EBP: variants seen among roughly 807,000 people sequenced by gnomAD.
EBP encodes EBP cholestenol delta-isomerase, also known as 3-beta-hydroxysteroid-Delta(8),Delta(7)-isomerase.
EBP carries 1 observed loss-of-function variant against 14.1 expected under a neutral mutation model. That is an observed-to-expected ratio of 0.07 (90% CI 0.03 to 0.34). EBP has a LOEUF of 0.34. EBP is among the 10% of genes least tolerant of loss of function. The pLI is 0.99. For missense variants in EBP, 123 were observed against 184.6 expected (o/e 0.67, Z 1.93); for synonymous variants, 72 against 77.7 (o/e 0.93, Z 0.38).
At chrX:48,527,078 G>A (rs2061781474) in intron 3 of EBP, 53 bp downstream of exon 3, 2 of 1,209,385 alleles carry the variant, frequency 1.7e-6, no homozygotes, top group Non-Finnish European at 2.2e-6. Flanking sequence ...GGGGGGTGGT[G>A]AGTTGGGGAG....
intron 4 of EBP, 159 bp downstream of exon 4, chrX:48,527,444 C>T (rs2061782791): frequency 1.2e-6 from 1 of 858,531 alleles, no homozygotes; most frequent in Non-Finnish European, 1.6e-6. Flanking sequence ...AAGGTCATGC[C>T]CTTCTCTGAG....
intron 2 of EBP, 128 bp downstream of exon 2, chrX:48,524,200 A>C (rs2061772576): frequency 1.4e-6 from 1 of 713,519 alleles, no homozygotes; most frequent in Non-Finnish European, 2.0e-6. Flanking sequence ...TCTTTTAAAA[A>C]ATTTATTATA....
chrX:48,523,570 A>G (rs1387099617), intron 1 of EBP, 129 bp from the exon 2 acceptor site: 6 of 451,283 alleles, frequency 1.3e-5, no homozygotes, highest in South Asian at 1.1e-4. Flanking sequence ...AAAAAAAAAA[A>G]CGGAATGTAA....
In EBP at chrX:48,528,641, A is replaced by G; in HGVS notation, c.*184A>G. The G allele has an allele frequency of 2.1e-6, 1 of 468,186 alleles. No individual in the cohort carries two copies. The highest frequency in any genetic ancestry group is 3.1e-5 in the South Asian group (1 of 31,891). 38.6% of individuals were successfully genotyped at this position (468,186 alleles called of 1,213,427 possible). On this transcript the variant is annotated 3_prime_UTR_variant, in exon 5 of 5. Transcript: ENST00000495186. ...AGGCACTGCTGGGAGCCATTAGAAC[A>G]CAGATACAAGAGAAGCCAGGAGGTC...
At chrX:48,523,424 G>A (rs1183363392) in intron 1 of EBP, among the ~76,000 whole-genome samples, 1 of 109,743 alleles carries the variant, frequency 9.1e-6, no homozygotes, top group Non-Finnish European at 1.9e-5. Flanking sequence ...CGTGGTGGCA[G>A]GCACCTGTAG....
Position 48,524,036 on chromosome X carries a change from G to C in EBP, c.265G>C (p.Asp89His). 1 of 1,211,520 alleles carries C rather than the reference G, an allele frequency of 8.3e-7. No homozygotes were observed. Among genetic ancestry groups the C allele is most frequent in the African/African-American group, 1.7e-5 (1 of 57,694 alleles). ...IEGWFVLYYE[D>H]LLGDQAFLSQ... ...GGGCTGGTTCGTTCTCTACTACGAA[G>C]ACCTGCTTGGAGACCAAGCCTTCTT... The change falls in exon 2 of 5, where the codon GAC becomes CAC. Residue 89 changes from aspartate (D) to histidine (H), a missense_variant. Asp to His is a moderately conservative substitution (Grantham distance 81, BLOSUM62 -1). Transcript: ENST00000495186.
Position 48,527,058 on chromosome X carries a change from A to G in EBP, c.338+33A>G. On this transcript the variant is annotated intron_variant, in intron 3 of 4. Transcript: ENST00000495186. ...TTTGCCTCTGTCAATGGAGACTGGC[A>G]TTGGTTTTCGGGGGGTGGTGAGTTG... The G allele has an allele frequency of 2.5e-6, 3 of 1,211,380 alleles. No individual in the cohort carries two copies. In the East Asian group the frequency reaches 8.9e-5, roughly 36 times the overall value.
At chrX:48,525,376 T>G (rs2061775978) in intron 2 of EBP, among the ~76,000 whole-genome samples, 1 of 111,286 alleles carries the variant, frequency 9.0e-6, no homozygotes, top group South Asian at 3.8e-4. Flanking sequence ...AGAAGCCATT[T>G]TCTTTTTTGA....
intron 2 of EBP, 139 bp from the exon 3 acceptor site, chrX:48,526,850 G>C: frequency 1.5e-6 from 1 of 677,100 alleles, no homozygotes; most frequent in East Asian, 3.3e-5. Context: ...AATCCAAACA[G>C]TTACCCCATT....
rs1488696704 is a variant in EBP, at chrX:48,528,466, G to A, written c.*9G>A. The A allele has an allele frequency of 1.7e-6, 2 of 1,156,623 alleles. No individual in the cohort carries two copies. The highest frequency in any genetic ancestry group is 1.8e-5 in the African/African-American group (1 of 55,495). On this transcript the variant is annotated 3_prime_UTR_variant, in exon 5 of 5. Coordinates refer to ENST00000495186, the MANE Select transcript of EBP (RefSeq NM_006579.3). The stretch of plus-strand genomic sequence containing the variant: ...AGAGCAAGAAGAACTGAGGAGTGGT[G>A]GACCAGGCTCGAACACTGGCCGAGG...
chrX:48,522,727 C>A (rs1569479490), intron 1 of EBP, among the ~76,000 whole-genome samples: 1 of 111,882 alleles, frequency 8.9e-6, no homozygotes, highest in African/African-American at 3.2e-5. Context: ...GGCTGGAGTG[C>A]AGTGGCATGA....
At position 48,523,887 on chromosome X, in the gene EBP, C is replaced by T; in HGVS notation, c.116C>T (p.Thr39Ile). 8.3e-7 allele frequency: 1 copy of T among 1,211,452 alleles called. No individual in the cohort carries two copies. Among genetic ancestry groups the T allele is most frequent in the Non-Finnish European group, 1.1e-6 (1 of 895,530 alleles). Residue 39 changes from threonine (T) to isoleucine (I), a missense_variant, in exon 2 of 5, where the codon ACA becomes ATA. Transcript: ENST00000495186. ...ATACTGGCTGGCCTCTTCTCTGTCA[C>T]AGGGGTCTTAGTCGTGACCACATGG... ...WHILAGLFSVTGVLVVTTWLL... is the reference protein window; with the variant it reads ...WHILAGLFSVIGVLVVTTWLL...
At chrX:48,526,012 G>A (rs1257550300) in intron 2 of EBP, among the ~76,000 whole-genome samples, 1 of 104,630 alleles carries the variant, frequency 9.6e-6, no homozygotes, top group Non-Finnish European at 2.0e-5. Flanking sequence ...TCTGGGACCT[G>A]GGAGGCGGAG....
In EBP at chrX:48,528,555, T is replaced by C; in HGVS notation, c.*98T>C. ...CCACAGTTTGGAGGGACAAAGCTAATTGATCTGTCACACTCAGGCTCATGG... is the reference window on the plus strand; with the variant it reads ...CCACAGTTTGGAGGGACAAAGCTAACTGATCTGTCACACTCAGGCTCATGG... On this transcript the variant is annotated 3_prime_UTR_variant, in exon 5 of 5. Transcript: ENST00000495186. The C allele has an allele frequency of 1.2e-6, 1 of 809,211 alleles. No individual in the cohort carries two copies. The highest frequency in any genetic ancestry group is 1.8e-6 in the Non-Finnish European group (1 of 557,386). The allele number at this position is 809,211 out of a possible 1,213,427, so 66.7% of individuals were successfully genotyped here.
intron 4 of EBP, chrX:48,527,821 G>T: frequency 5.3e-6 from 1 of 187,954 alleles, no homozygotes; most frequent in Non-Finnish European, 9.8e-6. Context: ...GCCCAGGCTG[G>T]TCTCAAGCTC....
chrX:48,525,161 A>C (rs1397387985), intron 2 of EBP, among the ~76,000 whole-genome samples: 2 of 112,214 alleles, frequency 1.8e-5, no homozygotes, highest in African/African-American at 6.5e-5. Flanking sequence ...GTAAGTCTCA[A>C]TTTGCTCAAT....
At chrX:48,526,876 C>T in intron 2 of EBP, 113 bp from the exon 3 acceptor site, 1 of 848,673 alleles carries the variant, frequency 1.2e-6, no homozygotes, top group Non-Finnish European at 1.8e-6. Context: ...GATGAGGAAG[C>T]AGACGCATGG....
intron 1 of EBP, among the ~76,000 whole-genome samples, chrX:48,523,224 T>A (rs1214149618): frequency 2.7e-5 from 3 of 111,993 alleles, no homozygotes; most frequent in African/African-American, 9.7e-5. Flanking sequence ...GCACTGGAAT[T>A]ACCTGCCACG....
rs1556977538 is a variant in EBP at position 48,527,025 on chromosome X, T to G, written c.338T>G (p.Leu113Arg). 3.3e-6 allele frequency: 4 copies of G among 1,210,177 alleles called. No individual in the cohort carries two copies. The highest frequency in any genetic ancestry group is 4.5e-6 in the Non-Finnish European group (4 of 895,183). Residue 113 changes from leucine to arginine, a missense_variant and splice_region_variant, in exon 3 of 5, where the codon CTG becomes CGG. Transcript: ENST00000495186. Reference protein sequence around the residue: ...EYAKGDSRYILGDNFTVCMET... With the variant: ...EYAKGDSRYIRGDNFTVCMET... ...GCCAAGGGAGACAGCCGATACATCC[T>G]GTAAGTGTTTGCCTCTGTCAATGGA...
Sources: gnomAD v4.1 joint callset for allele counts (sites outside exome capture counted in the v4.1 genomes callset) on GRCh38, gnomAD v4.1.1 for gene constraint, MANE v1.5 for transcripts, NCBI Gene and HGNC (gene_info 2026-07-23, HGNC 2026-07-21) for gene names.